SWT1: variants seen among roughly 807,000 people sequenced by gnomAD.
The protein encoded by SWT1 is transcriptional protein SWT1.
In SWT1, 33 loss-of-function variants were observed where a neutral mutation model predicts 107.3. That is an observed-to-expected ratio of 0.31 (90% CI 0.23 to 0.41). The LOEUF (loss-of-function observed/expected upper bound fraction) is 0.41, where lower values mean the gene tolerates loss of function less well. SWT1 is among the 10% of genes least tolerant of loss of function. The probability of loss-of-function intolerance (pLI) is 1.00; values close to 1 mark genes in which losing one functional copy is unlikely to be tolerated. For missense variants in SWT1, 898 were observed against 1,028.9 expected, an observed-to-expected ratio of 0.87 and a Z score of 1.74; for synonymous variants, 345 against 348.3, an observed-to-expected ratio of 0.99 and a Z score of 0.11.
Position 185,215,559 on chromosome 1 carries a change from A to T in SWT1, c.2121+904A>T, listed in dbSNP as rs79911479. On this transcript the variant is annotated intron_variant, in intron 14 of 18. Transcript: ENST00000367500. ...CTAATTTTTGTACCCAGTAATACAGACTTATTTTTTTGACACAGGGTTTTA... is the reference window on the plus strand; with the variant it reads ...CTAATTTTTGTACCCAGTAATACAGTCTTATTTTTTTGACACAGGGTTTTA... Among the ~76,000 whole-genome samples the T allele has an allele frequency of 5.8e-3, 888 of 152,108 alleles. 33 individuals carry two copies. In the East Asian group the frequency reaches 0.094, roughly 16 times the overall value.
intron 17 of SWT1, among the ~76,000 whole-genome samples, chr1:185,272,034 T>A (rs1286408141): frequency 6.6e-6 from 1 of 152,218 alleles, no homozygotes; most frequent in East Asian, 1.9e-4. Flanking sequence ...AGGTACTAAA[T>A]GCCTGTAGCG....
At chr1:185,162,657 A>G (rs930454011) in intron 2 of SWT1, among the ~76,000 whole-genome samples, 4 of 152,162 alleles carry the variant, frequency 2.6e-5, no homozygotes, top group Non-Finnish European at 5.9e-5. Context: ...TATAATGTAT[A>G]GGCATACCTT....
At position 185,202,741 on chromosome 1, in the gene SWT1, A is replaced by G. The variant is rs1489134942; in HGVS notation, c.1611A>G (p.Leu537=). 11 of 1,600,320 alleles carry G rather than the reference A, an allele frequency of 6.9e-6. No homozygotes were observed. The highest frequency in any genetic ancestry group is 7.7e-6 in the Non-Finnish European group (9 of 1,172,632). The part of the protein sequence containing the change: ...KEELSAELLH[L]SLNTDVCHQP... ...AATTGAGTGCAGAGTTATTACACTTATCTCTGAACACAGATGTGTGTCATC... is the reference window on the plus strand; with the variant it reads ...AATTGAGTGCAGAGTTATTACACTTGTCTCTGAACACAGATGTGTGTCATC... The change falls in exon 11 of 19, where the codon TTA becomes TTG. Residue 537 remains leucine, a synonymous_variant. Transcript: ENST00000367500.
chr1:185,216,583 A>G (rs1459765184), intron 14 of SWT1, among the ~76,000 whole-genome samples: 2 of 152,198 alleles, frequency 1.3e-5, no homozygotes, highest in African/African-American at 4.8e-5. Flanking sequence ...CCATGAAAAT[A>G]TGATGTTAAA....
chr1:185,212,351 C>T (rs1297552625), intron 13 of SWT1, among the ~76,000 whole-genome samples: 4 of 152,022 alleles, frequency 2.6e-5, no homozygotes, highest in Admixed American at 2.6e-4. Context: ...TGTCTAGTTG[C>T]CATCTTCCAT....
intron 5 of SWT1, chr1:185,176,605 T>TG: frequency 1.0e-6 from 1 of 984,358 alleles, no homozygotes; most frequent in Non-Finnish European, 1.2e-6. Context: ...TGTGGAACCT[T>TG]GGAATTTTAG....
Position 185,167,719 on chromosome 1 carries a change from C to T in SWT1, c.166-621C>T, listed in dbSNP as rs908037763. Among the ~76,000 whole-genome samples the T allele has an allele frequency of 5.3e-5, 8 of 152,198 alleles. No homozygotes were observed. In the East Asian group the frequency reaches 9.6e-4, roughly 18 times the overall value. On this transcript the variant is annotated intron_variant, in intron 3 of 18. Transcript: ENST00000367500. ...CCTTGAAAGAGGCCCTCTTGCCTTT[C>T]GCTAGGCTGGTTTATTTTCTTTCTG...
intron 16 of SWT1, among the ~76,000 whole-genome samples, chr1:185,258,203 G>A (rs768081652): frequency 6.6e-6 from 1 of 152,052 alleles, no homozygotes; most frequent in African/African-American, 2.4e-5. Context: ...GATTTATAAA[G>A]TCTGAAGTGT....
At chr1:185,187,854 A>G (rs1288277853) in intron 9 of SWT1, among the ~76,000 whole-genome samples, 1 of 151,950 alleles carries the variant, frequency 6.6e-6, no homozygotes, top group South Asian at 2.1e-4. Flanking sequence ...ATGCCCGGCT[A>G]ATTTTTTAAG....
intron 2 of SWT1, among the ~76,000 whole-genome samples, chr1:185,161,800 C>CA (rs879771603): frequency 2.0e-5 from 3 of 151,944 alleles, no homozygotes; most frequent in African/African-American, 4.8e-5. Context: ...GCAAAACAAA[C>CA]AAAAAAACCA....
At chr1:185,207,638 A>T (rs1416843628) in intron 13 of SWT1, among the ~76,000 whole-genome samples, 1 of 152,210 alleles carries the variant, frequency 6.6e-6, no homozygotes, top group African/African-American at 2.4e-5. Flanking sequence ...ATGGTGGCTC[A>T]TGCCTGTAAT....
chr1:185,284,297 G>A (rs1041126216), intron 18 of SWT1, among the ~76,000 whole-genome samples: 2 of 152,152 alleles, frequency 1.3e-5, no homozygotes, highest in African/African-American at 4.8e-5. Flanking sequence ...CTCATTTTTA[G>A]TGGGTTGGCT....
intron 16 of SWT1, among the ~76,000 whole-genome samples, chr1:185,247,212 T>C (rs1008248170): frequency 1.3e-5 from 2 of 152,134 alleles, no homozygotes; most frequent in Admixed American, 6.6e-5. Flanking sequence ...ATAAATAAGG[T>C]ACACACCTCT....
chr1:185,227,401 A>G, intron 15 of SWT1: 3 of 682,240 alleles, frequency 4.4e-6, no homozygotes, highest in South Asian at 2.8e-5. Flanking sequence ...AGGCCAGTAC[A>G]ATATGCCGCA....
At chr1:185,290,589 A>T in intron 18 of SWT1, 85 bp from the exon 19 acceptor site, 1 of 981,952 alleles carries the variant, frequency 1.0e-6, no homozygotes, top group African/African-American at 1.7e-5. Context: ...TTATTTGTCA[A>T]TTAAAATGTA....
At chr1:185,204,572 A>G (rs1210080466) in intron 11 of SWT1, 128 bp from the exon 12 acceptor site, 7 of 416,468 alleles carry the variant, frequency 1.7e-5, no homozygotes, top group African/African-American at 4.1e-5. Flanking sequence ...AAAATAAAAT[A>G]TTTGTTTGTT....
intron 9 of SWT1, among the ~76,000 whole-genome samples, chr1:185,190,202 TG>T (rs1357640375): frequency 3.3e-5 from 5 of 152,158 alleles, no homozygotes; most frequent in Non-Finnish European, 5.9e-5. Context: ...ACGGGAAAAT[TG>T]CACAAAAGAC....
At chr1:185,222,499 A>T (rs185396240) in intron 15 of SWT1, among the ~76,000 whole-genome samples, 60 of 151,982 alleles carry the variant, frequency 3.9e-4, no homozygotes, top group African/African-American at 1.4e-3. Context: ...GCTTACACCC[A>T]TAGTCCCAGC....
At chr1:185,168,421 T>G (rs1229740265) in intron 4 of SWT1, 23 bp downstream of exon 4, 2 of 1,364,032 alleles carry the variant, frequency 1.5e-6, no homozygotes, top group African/African-American at 3.1e-5. Flanking sequence ...TTTTTCTTTT[T>G]ACTGTTTTGG....
Sources: gnomAD v4.1 joint callset for allele counts (sites outside exome capture counted in the v4.1 genomes callset) on GRCh38, gnomAD v4.1.1 for gene constraint, MANE v1.5 for transcripts, NCBI Gene and HGNC (gene_info 2026-07-23, HGNC 2026-07-21) for gene names.